HEBP2: variants seen among roughly 807,000 people sequenced by gnomAD.
HEBP2 encodes the protein heme-binding protein 2.
HEBP2 carries 27 observed loss-of-function variants against 23.1 expected under a neutral mutation model. The ratio of observed to expected loss-of-function variants is 1.17; its 90% CI spans 0.86 to 1.61. HEBP2 has a LOEUF of 1.61. HEBP2 is among the 40% of genes most tolerant of loss of function. The pLI is 0.00. For synonymous variants in HEBP2, 99 were observed against 95.1 expected, an observed-to-expected ratio of 1.04 and a Z score of -0.24; for missense variants, 245 against 253.8, an observed-to-expected ratio of 0.97 and a Z score of 0.24.
Position 138,404,582 on chromosome 6 carries a change from G to T in HEBP2, c.87G>T (p.Glu29Asp). Residue 29 changes from glutamate to aspartate, a missense_variant, in exon 1 of 4, where the codon GAG becomes GAT. Coordinates refer to ENST00000607197, the MANE Select transcript of HEBP2 (RefSeq NM_014320.3). ...AVETPGWKAPEDAGPQPGSYE... is the reference protein window; with the variant it reads ...AVETPGWKAPDDAGPQPGSYE... ...AGACGCCGGGCTGGAAGGCCCCGGAGGACGCCGGCCCCCAGGTAGGCGCCG... is the reference window on the plus strand; with the variant it reads ...AGACGCCGGGCTGGAAGGCCCCGGATGACGCCGGCCCCCAGGTAGGCGCCG... 1 of 1,300,496 alleles carries T rather than the reference G, an allele frequency of 7.7e-7. No individual in the cohort carries two copies. The highest frequency in any genetic ancestry group is 9.8e-7 in the Non-Finnish European group (1 of 1,025,570). The allele number at this position is 1,300,496 out of a possible 1,614,324, so 80.6% of individuals were successfully genotyped here. A position where few individuals can be genotyped will look rare whatever the true frequency, so the allele number is the denominator to read the frequency against.
In HEBP2 at chr6:138,412,966, T is replaced by C. The variant is rs138071646; in HGVS notation, c.506T>C (p.Phe169Ser). 19 of 1,614,054 alleles carry C rather than the reference T, an allele frequency of 1.2e-5. No homozygotes were observed. The African/African-American group carries it at 2.3e-4, about 19-fold the overall frequency. The part of the protein sequence containing the change: ...ASILREDGKV[F>S]DEKVYYTAGY... ...ATTTTAAGGGAAGATGGAAAAGTTTTCGATGAGAAGGTTTACTACACTGCA... is the reference window on the plus strand; with the variant it reads ...ATTTTAAGGGAAGATGGAAAAGTTTCCGATGAGAAGGTTTACTACACTGCA... Residue 169 changes from phenylalanine (F) to serine (S), a missense_variant, in exon 4 of 4, where the codon TTC (phenylalanine) becomes TCC (serine). By Grantham distance (155) the Phe-to-Ser change is radical (BLOSUM62 -2). Transcript: ENST00000607197.
Position 138,405,066 on chromosome 6 carries a change from G to A in HEBP2, c.103-79G>A, listed in dbSNP as rs1411417316. 8 of 1,519,030 alleles carry A rather than the reference G, an allele frequency of 5.3e-6. No individual in the cohort carries two copies. In the Admixed American group the frequency reaches 7.6e-5, roughly 14 times the overall value. 94.1% of individuals were successfully genotyped at this position (1,519,030 alleles called of 1,614,324 possible). On this transcript the variant is annotated intron_variant, in intron 1 of 3. Coordinates refer to ENST00000607197, the MANE Select transcript of HEBP2 (RefSeq NM_014320.3). ...ACAGGACGGCTCCAGGTCGACCCGA[G>A]ATCATGGCACCGGTATTTTTGCATC...
chr6:138,404,283 C>A lies in HEBP2; in HGVS notation c.-213C>A, dbSNP rs1287984497. On this transcript the variant is annotated 5_prime_UTR_variant, in exon 1 of 4. Transcript: ENST00000607197. ...AACTCCGGCCGGAGCTGTCCGGGGT[C>A]GTGAGCCGGCCCCGCCTTGGTGGCG... The A allele has an allele frequency of 3.0e-6, 1 of 331,812 alleles. No individual in the cohort carries two copies. The highest frequency in any genetic ancestry group is 5.4e-6 in the Non-Finnish European group (1 of 183,854). 20.6% of individuals were successfully genotyped at this position (331,812 alleles called of 1,614,324 possible).
rs1462480468 is a variant in HEBP2, at chr6:138,420,304, G to T, written c.*7226G>T. 6.6e-6 allele frequency: 1 copy of T among 152,186 alleles called. No homozygotes were observed. The allele number at this position is 152,186 out of a possible 1,614,324, so 9.4% of individuals were successfully genotyped here. On this transcript the variant is annotated 3_prime_UTR_variant, in exon 4 of 4. Coordinates refer to ENST00000607197, the MANE Select transcript of HEBP2 (RefSeq NM_014320.3). Reference sequence around the variant, plus strand: ...AAACCATTTGCAGGAAGGTGCTATAGTTGGTCCTACCAAACTCCTCTTTCA... The same window carrying T: ...AAACCATTTGCAGGAAGGTGCTATATTTGGTCCTACCAAACTCCTCTTTCA...
upstream of HEBP2, among the ~76,000 whole-genome samples, chr6:138,404,066 G>A (rs1039038068): frequency 1.4e-4 from 21 of 152,226 alleles, no homozygotes; most frequent in African/African-American, 4.8e-4. Flanking sequence ...TCCCAGCGCG[G>A]GCGGGGCCGC....
chr6:138,407,221 G>C (rs962031582), intron 3 of HEBP2, among the ~76,000 whole-genome samples: 2 of 152,116 alleles, frequency 1.3e-5, no homozygotes, highest in African/African-American at 2.4e-5. Context: ...CAAATCTGAG[G>C]CTCAAGGTAC....
chr6:138,404,469 C>T lies in HEBP2; in HGVS notation c.-27C>T. 8.0e-7 allele frequency: 1 copy of T among 1,252,888 alleles called. No homozygotes were observed. Among genetic ancestry groups the T allele is most frequent in the Middle Eastern group, 3.1e-4 (1 of 3,230 alleles). The allele number at this position is 1,252,888 out of a possible 1,614,324, so 77.6% of individuals were successfully genotyped here. On this transcript the variant is annotated 5_prime_UTR_variant, in exon 1 of 4. Transcript: ENST00000607197. Reference sequence around the variant, plus strand: ...GGTGCGGGGCCTCTGCGCGGCTGACCAGGCTCCCAGAGCGTCAGCGCCGCC... The same window carrying T: ...GGTGCGGGGCCTCTGCGCGGCTGACTAGGCTCCCAGAGCGTCAGCGCCGCC...
At chr6:138,407,767 C>G (rs1486824292) in intron 3 of HEBP2, among the ~76,000 whole-genome samples, 2 of 152,256 alleles carry the variant, frequency 1.3e-5, no homozygotes, top group African/African-American at 4.8e-5. Flanking sequence ...CACACCCCCA[C>G]AGCTCATGTA....
rs1257974653 is a variant in HEBP2, at chr6:138,405,305, A to G, written c.238+25A>G. The G allele has an allele frequency of 5.0e-6, 8 of 1,613,644 alleles. No homozygotes were observed. The Middle Eastern group carries it at 4.9e-4, about 99-fold the overall frequency. On this transcript the variant is annotated intron_variant, in intron 2 of 3. Transcript: ENST00000607197. Reference sequence around the variant, plus strand: ...GGTAAAAGCAGTTTTCCTTGTAATTATGCATATTGTGAAAGAGTCCCCGGG... The same window carrying G: ...GGTAAAAGCAGTTTTCCTTGTAATTGTGCATATTGTGAAAGAGTCCCCGGG...
chr6:138,412,792 T>C lies in HEBP2; in HGVS notation c.420-88T>C, dbSNP rs1774770582. On this transcript the variant is annotated intron_variant, in intron 3 of 3. Transcript: ENST00000607197. ...TTTGGAGCTGCACTTCACTCAGCAT[T>C]CACGGTACTAGCGCCCGCTTTTTGC... 34 of 1,117,030 alleles carry C rather than the reference T, an allele frequency of 3.0e-5. No homozygotes were observed. In the South Asian group the frequency reaches 4.7e-4, roughly 15 times the overall value. 69.2% of individuals were successfully genotyped at this position (1,117,030 alleles called of 1,614,324 possible).
intron 3 of HEBP2, chr6:138,412,113 A>G: frequency 2.3e-6 from 1 of 440,442 alleles, no homozygotes. Flanking sequence ...GTGCAAGTGA[A>G]AATCGAGTCT....
rs1466481507 is a variant in HEBP2 at position 138,404,570 on chromosome 6, G to C, written c.75G>C (p.Trp25Cys). The C allele has an allele frequency of 1.0e-5, 13 of 1,306,208 alleles. No homozygotes were observed. The highest frequency in any genetic ancestry group is 3.8e-5 in the Admixed American group (1 of 26,122). 80.9% of individuals were successfully genotyped at this position (1,306,208 alleles called of 1,614,324 possible). ...AAAQAVETPGWKAPEDAGPQP... is the reference protein window; with the variant it reads ...AAAQAVETPGCKAPEDAGPQP... ...CCCAAGCTGTGGAGACGCCGGGCTGGAAGGCCCCGGAGGACGCCGGCCCCC... is the reference window on the plus strand; with the variant it reads ...CCCAAGCTGTGGAGACGCCGGGCTGCAAGGCCCCGGAGGACGCCGGCCCCC... The change falls in exon 1 of 4, where the codon TGG (tryptophan) becomes TGC (cysteine). Residue 25 changes from tryptophan to cysteine, a missense_variant. Trp to Cys is a radical substitution (Grantham distance 215). Transcript: ENST00000607197.
intron 3 of HEBP2, among the ~76,000 whole-genome samples, chr6:138,410,678 G>A (rs76138716): frequency 0.025 from 3,851 of 152,152 alleles, 68 homozygotes; most frequent in East Asian, 0.085. Context: ...TAGAGACGGG[G>A]TTTCACCATC....
Position 138,420,750 on chromosome 6 carries a change from T to TGGCA in HEBP2, c.*7674_*7677dup, listed in dbSNP as rs2128183692. 1 of 152,456 alleles carries TGGCA rather than the reference T, an allele frequency of 6.6e-6. No homozygotes were observed. Among genetic ancestry groups the TGGCA allele is most frequent in the African/African-American group, 2.4e-5 (1 of 41,586 alleles). The allele number at this position is 152,456 out of a possible 1,614,324, so 9.4% of individuals were successfully genotyped here. ...CCTTTTTCCCAGAGTTCCCCTGGGA[T>TGGCA]GGCAGCTCGCCTGCTCTCCCTGCCT... On this transcript the variant is annotated 3_prime_UTR_variant, in exon 4 of 4. Coordinates refer to ENST00000607197, the MANE Select transcript of HEBP2 (RefSeq NM_014320.3).
chr6:138,410,472 TTTC>T (rs964722684), intron 3 of HEBP2, among the ~76,000 whole-genome samples: 19 of 147,190 alleles, frequency 1.3e-4, no homozygotes, highest in Admixed American at 8.7e-4. Flanking sequence ...AGCCAAAATG[TTTC>T]TTTCTTTTTT....
chr6:138,403,790 TG>T (rs1774579596), upstream of HEBP2: 1 of 401,716 alleles, frequency 2.5e-6, no homozygotes, highest in Non-Finnish European at 4.4e-6. Context: ...TCAGAGGGTC[TG>T]GGGTCCTGTC....
chr6:138,407,581 A>G (rs1203898355), intron 3 of HEBP2, among the ~76,000 whole-genome samples: 1 of 152,186 alleles, frequency 6.6e-6, no homozygotes, highest in African/African-American at 2.4e-5. Flanking sequence ...CTGCAGCTCT[A>G]CCAGGCTCGA....
chr6:138,405,421 A>T (rs1774627688), intron 2 of HEBP2, 141 bp downstream of exon 2: 2 of 1,016,164 alleles, frequency 2.0e-6, no homozygotes, highest in African/African-American at 3.3e-5. Context: ...TTCAGACAAG[A>T]CTCCTCAGGA....
chr6:138,416,519 C>T lies in HEBP2; in HGVS notation c.*3441C>T, dbSNP rs1198775194. The T allele has an allele frequency of 6.6e-6, 1 of 152,466 alleles. No homozygotes were observed. Among genetic ancestry groups the T allele is most frequent in the African/African-American group, 2.4e-5 (1 of 41,452 alleles). The allele number at this position is 152,466 out of a possible 1,614,324, so 9.4% of individuals were successfully genotyped here. On this transcript the variant is annotated 3_prime_UTR_variant, in exon 4 of 4. Transcript: ENST00000607197. ...ATCATAAAGGAGCTCAGCGGTGGCT[C>T]TCCTCGGCAGGCTGGGGCTGGCAGG...
Sources: gnomAD v4.1 joint callset for allele counts (sites outside exome capture counted in the v4.1 genomes callset) on GRCh38, gnomAD v4.1.1 for gene constraint, MANE v1.5 for transcripts, NCBI Gene and HGNC (gene_info 2026-07-23, HGNC 2026-07-21) for gene names.